The following CDH4 variants were observed in gnomAD, a reference collection of about 807,000 sequenced individuals.
The protein encoded by CDH4 is cadherin-4.
In CDH4, 33 loss-of-function variants were observed where a neutral mutation model predicts 86.0. The observed-to-expected ratio is 0.38, with a 90% CI of 0.29 to 0.51. The LOEUF (loss-of-function observed/expected upper bound fraction) is 0.51. Ranked by LOEUF, CDH4 falls within the 20% of genes least tolerant of loss-of-function variation. The pLI is 0.86. For missense variants in CDH4, 1,114 were observed against 1,307.4 expected (o/e 0.85, Z 2.28); for synonymous variants, 555 against 549.4 (o/e 1.01, Z -0.14).
At chr20:61,506,120 G>T (rs1251410878) in intron 2 of CDH4, among the ~76,000 whole-genome samples, 2 of 152,208 alleles carry the variant, frequency 1.3e-5, no homozygotes, top group African/African-American at 4.8e-5. Flanking sequence ...TTACATAGAG[G>T]GGAGTAAACA....
chr20:61,652,173 CATGAT>C (rs1427985382), intron 2 of CDH4, among the ~76,000 whole-genome samples: 4 of 152,220 alleles, frequency 2.6e-5, no homozygotes, highest in African/African-American at 7.2e-5. Flanking sequence ...AATATACACT[CATGAT>C]AGGAAGAGCT....
In CDH4 at chr20:61,501,642, C is replaced by T. The variant is rs1411824576; in HGVS notation, c.170-241921C>T. 6.6e-6 allele frequency among the ~76,000 whole-genome samples: 1 copy of T among 152,132 alleles called. No individual in the cohort carries two copies. Among genetic ancestry groups the T allele is most frequent in the African/African-American group, 2.4e-5 (1 of 41,410 alleles). On this transcript the variant is annotated intron_variant, in intron 2 of 15. Transcript: ENST00000614565. The surrounding 1 kb of genome is among the most constrained non-coding windows in gnomAD (Gnocchi z 4.2). Reference sequence around the variant, plus strand: ...GCTGTGGTGAGACTCAAAGGCCACACAGAAGCAGCGTGTTCCGGAAAGCAT... The same window carrying T: ...GCTGTGGTGAGACTCAAAGGCCACATAGAAGCAGCGTGTTCCGGAAAGCAT...
chr20:61,357,065 G>A (rs566126617), intron 2 of CDH4, among the ~76,000 whole-genome samples: 8 of 152,240 alleles, frequency 5.3e-5, no homozygotes, highest in South Asian at 2.1e-4. Context: ...ACTGAGATGC[G>A]GGGTGCCAGG....
At chr20:61,330,228 G>A (rs1398895399) in intron 2 of CDH4, among the ~76,000 whole-genome samples, 2 of 151,822 alleles carry the variant, frequency 1.3e-5, no homozygotes, top group East Asian at 3.9e-4. Flanking sequence ...GGGTCAAATG[G>A]TTCTAGATCT....
At chr20:61,613,876 C>T (rs918624196) in intron 2 of CDH4, among the ~76,000 whole-genome samples, 3 of 151,980 alleles carry the variant, frequency 2.0e-5, no homozygotes, top group African/African-American at 7.3e-5. Context: ...TGGGGAGGAG[C>T]TCGTTTGTTT....
intron 2 of CDH4, among the ~76,000 whole-genome samples, chr20:61,406,979 C>T (rs1414036303): frequency 6.8e-6 from 1 of 147,184 alleles, no homozygotes; most frequent in Non-Finnish European, 1.5e-5. Context: ...ACCATCTGCT[C>T]TTCTTGGACC....
chr20:61,868,453 G>A (rs1465678488), intron 6 of CDH4, among the ~76,000 whole-genome samples: 1 of 152,168 alleles, frequency 6.6e-6, no homozygotes, highest in Non-Finnish European at 1.5e-5. Flanking sequence ...CAGCTTGGTA[G>A]GTGGGGACCC....
intron 2 of CDH4, among the ~76,000 whole-genome samples, chr20:61,465,895 A>G (rs2085469278): frequency 6.9e-6 from 1 of 144,826 alleles, no homozygotes; most frequent in Admixed American, 7.0e-5. Flanking sequence ...TGGCAGGAGG[A>G]TACAGTTTTA....
intron 2 of CDH4, among the ~76,000 whole-genome samples, chr20:61,332,648 G>A (rs115155543): frequency 0.039 from 6,000 of 152,342 alleles, 190 homozygotes; most frequent in South Asian, 0.096. Context: ...AAGGTTCTGC[G>A]AAGGCCCTTG....
intron 2 of CDH4, among the ~76,000 whole-genome samples, chr20:61,522,888 G>A (rs181795204): frequency 6.6e-6 from 1 of 152,388 alleles, no homozygotes; most frequent in African/African-American, 2.4e-5. Flanking sequence ...GGAGCCCTCT[G>A]CAGTGTTCTG....
intron 4 of CDH4, among the ~76,000 whole-genome samples, chr20:61,813,760 GA>G (rs1050628907): frequency 6.6e-5 from 10 of 152,228 alleles, no homozygotes; most frequent in Admixed American, 6.5e-4. Flanking sequence ...GACAAAGCTT[GA>G]CTCTTCCCAG....
chr20:61,823,701 A>T (rs1981174965), intron 4 of CDH4, among the ~76,000 whole-genome samples: 1 of 152,192 alleles, frequency 6.6e-6, no homozygotes, highest in Admixed American at 6.5e-5. Flanking sequence ...GTGAATTTGT[A>T]TATTTTGAAC....
chr20:61,700,441 G>A (rs2087762767), intron 2 of CDH4, among the ~76,000 whole-genome samples: 1 of 152,192 alleles, frequency 6.6e-6, no homozygotes, highest in Admixed American at 6.5e-5. Context: ...AAAACGTGTG[G>A]ATCAGAAACT....
chr20:61,804,659 T>C lies in CDH4; in HGVS notation c.576+31477T>C, dbSNP rs576422893. 5.9e-5 allele frequency among the ~76,000 whole-genome samples: 9 copies of C among 152,328 alleles called. No individual in the cohort carries two copies. In the East Asian group the frequency reaches 1.7e-3, roughly 29 times the overall value. On this transcript the variant is annotated intron_variant, in intron 4 of 15. Coordinates refer to ENST00000614565, the MANE Select transcript of CDH4 (RefSeq NM_001794.5). The stretch of plus-strand genomic sequence containing the variant: ...GTGGGTGTGTCAGGTTTCTGCTGCC[T>C]CAGTGTGGGGATCCTCCAGGGGAGG...
chr20:61,351,579 G>C (rs983080283), intron 2 of CDH4, among the ~76,000 whole-genome samples: 1 of 152,092 alleles, frequency 6.6e-6, no homozygotes, highest in Non-Finnish European at 1.5e-5. Flanking sequence ...GTATGTGTAT[G>C]GGGGGGACGT....
At chr20:61,587,468 C>G (rs1163168706) in intron 2 of CDH4, among the ~76,000 whole-genome samples, 1 of 152,160 alleles carries the variant, frequency 6.6e-6, no homozygotes, top group Non-Finnish European at 1.5e-5. Context: ...GAATCTGAGG[C>G]CTGGGTCTTC....
intron 4 of CDH4, among the ~76,000 whole-genome samples, chr20:61,840,994 T>C (rs1982138315): frequency 6.6e-6 from 1 of 152,194 alleles, no homozygotes; most frequent in East Asian, 1.9e-4. Flanking sequence ...TTTTCAGCAG[T>C]CTCCTCATTA....
intron 7 of CDH4, among the ~76,000 whole-genome samples, chr20:61,886,898 G>C (rs746093018): frequency 6.6e-6 from 1 of 152,196 alleles, no homozygotes; most frequent in Non-Finnish European, 1.5e-5. Context: ...TGTGGTTAAC[G>C]TGGGGCTCCC....
At chr20:61,920,482 G>C in intron 9 of CDH4, among the ~76,000 whole-genome samples, 1 of 151,808 alleles carries the variant, frequency 6.6e-6, no homozygotes, top group Admixed American at 6.6e-5. Context: ...CAGTGTCACG[G>C]TGATTGTGTG....
Sources: allele counts gnomAD v4.1 joint callset (sites outside exome capture counted in the v4.1 genomes callset), GRCh38; gene constraint gnomAD v4.1.1; non-coding constraint Gnocchi (gnomAD v3.1); transcripts MANE v1.5; gene names NCBI Gene and HGNC (gene_info 2026-07-23, HGNC 2026-07-21).